PTPRR: variants seen among roughly 807,000 people sequenced by gnomAD.
The protein encoded by PTPRR is receptor-type tyrosine-protein phosphatase R.
Under a neutral mutation model 77.2 loss-of-function variants are expected in PTPRR, and 38 were observed. That is an observed-to-expected ratio of 0.49 (90% confidence interval 0.38 to 0.65). The LOEUF is 0.65. Ranked by LOEUF, PTPRR falls within the 30% of genes least tolerant of loss-of-function variation. The pLI is 0.00. For missense variants in PTPRR, 744 were observed against 799.2 expected, an observed-to-expected ratio of 0.93 and a Z score of 0.83; for synonymous variants, 299 against 283.1, an observed-to-expected ratio of 1.06 and a Z score of -0.57.
chr12:70,802,147 T>C (rs1464751837), intron 2 of PTPRR, among the ~76,000 whole-genome samples: 1 of 152,202 alleles, frequency 6.6e-6, no homozygotes, highest in Non-Finnish European at 1.5e-5. Flanking sequence ...AAATGTTAGA[T>C]CATATGGCGT....
chr12:70,683,749 G>A (rs1300820972), intron 10 of PTPRR, among the ~76,000 whole-genome samples: 1 of 152,124 alleles, frequency 6.6e-6, no homozygotes, highest in Admixed American at 6.5e-5. Flanking sequence ...AGGGATCTTG[G>A]TGTGTTTTGT....
At chr12:70,701,396 A>C (rs995322053) in intron 6 of PTPRR, 73 bp from the exon 7 acceptor site, 1 of 1,321,370 alleles carries the variant, frequency 7.6e-7, no homozygotes, top group East Asian at 2.3e-5. Context: ...CTTTCTGTAC[A>C]TGCACACAAT....
At chr12:70,759,329 G>A (rs994265077) in intron 4 of PTPRR, among the ~76,000 whole-genome samples, 6 of 151,988 alleles carry the variant, frequency 3.9e-5, no homozygotes, top group African/African-American at 1.5e-4. Context: ...CATGTCACAA[G>A]CTCTCAAAAA....
At chr12:70,901,342 C>T (rs1300735509) in intron 1 of PTPRR, among the ~76,000 whole-genome samples, 4 of 151,432 alleles carry the variant, frequency 2.6e-5, no homozygotes, top group East Asian at 1.9e-4. Context: ...AGCCAAGATA[C>T]GAAAATAACC....
rs1287254355 is a variant in PTPRR, at chr12:70,638,773, A to G, written c.*411T>C. 6.4e-6 allele frequency: 1 copy of G among 155,040 alleles called. No individual in the cohort carries two copies. Among genetic ancestry groups the G allele is most frequent in the Non-Finnish European group, 1.4e-5 (1 of 70,094 alleles). The allele number at this position is 155,040 out of a possible 1,614,324, so 9.6% of individuals were successfully genotyped here. On this transcript the variant is annotated 3_prime_UTR_variant, in exon 14 of 14. Transcript: ENST00000283228. The stretch of plus-strand genomic sequence containing the variant: ...TTTAACAGCTGACAGTCCATTCACA[A>G]GACAGATTTTGCAAACATTAAAGCA...
chr12:70,684,686 T>C lies in PTPRR; in HGVS notation c.1359+18A>G, dbSNP rs370044038. ...AAATAGGAAGTCACCAGAAAGAAAT[T>C]TGTACTTATTTACTTACCCTAATAT... On this transcript the variant is annotated intron_variant, in intron 9 of 13. Coordinates refer to ENST00000283228, the MANE Select transcript of PTPRR (RefSeq NM_002849.4). 5.3e-6 allele frequency: 8 copies of C among 1,497,744 alleles called. No individual in the cohort carries two copies. The highest frequency in any genetic ancestry group is 1.2e-5 in the South Asian group (1 of 82,862). 92.8% of individuals were successfully genotyped at this position (1,497,744 alleles called of 1,614,324 possible).
At chr12:70,735,357 G>A (rs1284509802) in intron 6 of PTPRR, among the ~76,000 whole-genome samples, 1 of 152,232 alleles carries the variant, frequency 6.6e-6, no homozygotes, top group East Asian at 1.9e-4. Flanking sequence ...CATGGCAGAA[G>A]GTGAAGGAGG....
chr12:70,841,473 A>G (rs972668315), intron 2 of PTPRR, among the ~76,000 whole-genome samples: 1 of 152,052 alleles, frequency 6.6e-6, no homozygotes, highest in African/African-American at 2.4e-5. Flanking sequence ...ATGAATGGTT[A>G]CTATTTCTAG....
intron 2 of PTPRR, among the ~76,000 whole-genome samples, chr12:70,872,987 C>T (rs187312697): frequency 6.6e-6 from 1 of 152,038 alleles, no homozygotes; most frequent in East Asian, 1.9e-4. Flanking sequence ...TACTAAAATC[C>T]TTGTGAGGGA....
chr12:70,764,398 T>C (rs1159786099), intron 3 of PTPRR, among the ~76,000 whole-genome samples: 1 of 152,156 alleles, frequency 6.6e-6, no homozygotes, highest in Non-Finnish European at 1.5e-5. Flanking sequence ...GTTAACAAAC[T>C]TCCTCTATAA....
chr12:70,759,697 A>AAAC (rs1045179926), intron 4 of PTPRR, among the ~76,000 whole-genome samples: 2 of 150,090 alleles, frequency 1.3e-5, no homozygotes, highest in African/African-American at 2.5e-5. Flanking sequence ...AAAAAAAAAA[A>AAAC]AAAAAAAAAC....
chr12:70,817,525 T>G (rs1450319060), intron 2 of PTPRR, among the ~76,000 whole-genome samples: 4 of 152,192 alleles, frequency 2.6e-5, no homozygotes, highest in Non-Finnish European at 5.9e-5. Flanking sequence ...TATTTTTGAG[T>G]CAAAATTCAC....
chr12:70,877,560 G>A (rs1489105570), intron 2 of PTPRR, among the ~76,000 whole-genome samples: 1 of 152,064 alleles, frequency 6.6e-6, no homozygotes, highest in Non-Finnish European at 1.5e-5. Context: ...TACAAGGGAT[G>A]TGAAGGAACT....
chr12:70,899,305 A>T (rs1446543061), intron 1 of PTPRR, among the ~76,000 whole-genome samples: 1 of 151,406 alleles, frequency 6.6e-6, no homozygotes, highest in East Asian at 1.9e-4. Flanking sequence ...CATGAACACA[A>T]ATGTAAAAGT....
At chr12:70,655,443 C>G (rs867115573) in intron 13 of PTPRR, among the ~76,000 whole-genome samples, 1 of 152,156 alleles carries the variant, frequency 6.6e-6, no homozygotes, top group African/African-American at 2.4e-5. Flanking sequence ...TATTTGCATA[C>G]GCATGTTCAT....
At chr12:70,777,258 A>G (rs1376162716) in intron 2 of PTPRR, among the ~76,000 whole-genome samples, 1 of 151,872 alleles carries the variant, frequency 6.6e-6, no homozygotes, top group Non-Finnish European at 1.5e-5. Flanking sequence ...ATTTCAACAG[A>G]TTTAGATGTG....
At chr12:70,669,953 G>A (rs1887157436) in intron 10 of PTPRR, among the ~76,000 whole-genome samples, 1 of 152,008 alleles carries the variant, frequency 6.6e-6, no homozygotes, top group Admixed American at 6.6e-5. Context: ...TGAGCTTTCT[G>A]GCCAAACATG....
intron 2 of PTPRR, 147 bp from the exon 3 acceptor site, chr12:70,764,925 C>T: frequency 1.6e-6 from 1 of 613,450 alleles, no homozygotes; most frequent in Non-Finnish European, 2.9e-6. Context: ...GCTAAGTTTA[C>T]ACTAATAATG....
chr12:70,673,031 C>CAAAAAA (rs1229938892), intron 10 of PTPRR: 205 of 457,662 alleles, frequency 4.5e-4, no homozygotes, highest in East Asian at 2.0e-3. Flanking sequence ...CGGGCCAAAG[C>CAAAAAA]AAAAAAAAAA....
Sources: gnomAD v4.1 joint callset for allele counts (sites outside exome capture counted in the v4.1 genomes callset) on GRCh38, gnomAD v4.1.1 for gene constraint, MANE v1.5 for transcripts, NCBI Gene and HGNC (gene_info 2026-07-23, HGNC 2026-07-21) for gene names.